The following APC variants were observed in gnomAD, a reference collection of about 807,000 sequenced individuals.
The protein encoded by APC is adenomatous polyposis coli protein.
A neutral mutation model predicts 247.0 loss-of-function variants in APC; 72 were observed. That is an observed-to-expected ratio of 0.29 (90% confidence interval 0.24 to 0.35). The LOEUF is 0.35. APC is among the 10% of genes least tolerant of loss of function. APC has a pLI of 1.00. For missense variants in APC, 3,400 were observed against 3,360.7 expected (o/e 1.01, Z -0.29); for synonymous variants, 1,254 against 1,162.5 (o/e 1.08, Z -1.60).
intron 5 of APC, among the ~76,000 whole-genome samples, chr5:112,779,291 A>G (rs1297233434): frequency 6.6e-6 from 1 of 152,228 alleles, no homozygotes; most frequent in African/African-American, 2.4e-5. Context: ...TCATTAGAGA[A>G]TATACAAAAA....
rs574397506 is a variant in APC, at chr5:112,725,722, C to T, written c.165+17840C>T. On this transcript the variant is annotated intron_variant, in intron 1 of 13. Transcript: ENST00000507379. The stretch of plus-strand genomic sequence containing the variant: ...TCTGCAGCAAGGTGTGATCATGCCA[C>T]TGCATTCCAGCCTGGGCAACAGTGA... Among the ~76,000 whole-genome samples the T allele has an allele frequency of 2.2e-3, 340 of 152,260 alleles. 1 individual carries two copies. Among genetic ancestry groups the T allele is most frequent in the Non-Finnish European group, 3.9e-3 (266 of 68,014 alleles).
At position 112,758,430 on chromosome 5, in the gene APC, G is replaced by A. The variant is rs146748693; in HGVS notation, c.135+3405G>A. Among the ~76,000 whole-genome samples the A allele has an allele frequency of 2.9e-3, 442 of 152,194 alleles. 10 individuals carry two copies. The East Asian group carries it at 0.048, about 17-fold the overall frequency. ...CAGCCTCCGCCTCCCGGGTTCAAGC[G>A]GTTCTCCTGCCTCAGCTTCCCAAGT... On this transcript the variant is annotated intron_variant, in intron 2 of 15. Transcript: ENST00000257430.
Position 112,838,372 on chromosome 5 carries a change from T to C in APC, c.2778T>C (p.Ser926=), listed in dbSNP as rs371526966. The change falls in exon 16 of 16, where the codon TCT becomes TCC. Residue 926 remains serine (S), a synonymous_variant. Transcript: ENST00000257430. The stretch of plus-strand genomic sequence containing the variant: ...AGAGAAATGCACTTAGAAGAAGCTC[T>C]GCTGCCCATACACATTCAAACACTT... ...TDERNALRRS[S]AAHTHSNTYN... is the part of the protein sequence containing the mutation. The C allele has an allele frequency of 1.6e-5, 26 of 1,614,204 alleles. No homozygotes were observed. In the African/African-American group the frequency reaches 3.5e-4, roughly 22 times the overall value.
intron 7 of APC, among the ~76,000 whole-genome samples, chr5:112,800,153 A>G (rs566111727): frequency 8.5e-5 from 13 of 152,328 alleles, no homozygotes; most frequent in East Asian, 5.8e-4. Flanking sequence ...CCCAGCATCT[A>G]TTGCAAGTAA....
intron 8 of APC, among the ~76,000 whole-genome samples, chr5:112,802,178 G>T (rs1054927809): frequency 1.3e-5 from 2 of 151,844 alleles, no homozygotes; most frequent in African/African-American, 4.8e-5. Context: ...GTCTCTCTAG[G>T]TTACTTTTGA....
Position 112,843,845 on chromosome 5 carries a change from A to G in APC, c.8251A>G (p.Thr2751Ala), listed in dbSNP as rs1060503341. 1 of 1,614,108 alleles carries G rather than the reference A, an allele frequency of 6.2e-7. No individual in the cohort carries two copies. ...GQNNPVPVSETNESSIVERTP... is the reference protein window; with the variant it reads ...GQNNPVPVSEANESSIVERTP... ...AAATAATCCTGTCCCTGTATCAGAG[A>G]CTAATGAAAGTTCTATAGTGGAACG... The change falls in exon 16 of 16, where the codon ACT becomes GCT. Residue 2751 changes from threonine to alanine, a missense_variant. Around this residue, in one of 9 missense-constraint regions of APC, gnomAD observed 1,788 missense variants for 1,649.5 expected, o/e 1.08. Transcript: ENST00000257430. This position sits in a 1 kb window ranked among gnomAD's most constrained non-coding sequence, Gnocchi z 4.8.
chr5:112,783,411 A>T (rs575432860), intron 6 of APC, among the ~76,000 whole-genome samples: 1 of 152,180 alleles, frequency 6.6e-6, no homozygotes, highest in Admixed American at 6.6e-5. Flanking sequence ...TGTAAACAAG[A>T]TAAAAAGGCA....
intron 8 of APC, among the ~76,000 whole-genome samples, chr5:112,813,725 C>G (rs1762209935): frequency 6.7e-6 from 1 of 150,342 alleles, no homozygotes. Context: ...CAGAGCCAGC[C>G]TGGGCAACAT....
chr5:112,767,872 C>G (rs1177479287), intron 4 of APC, among the ~76,000 whole-genome samples: 3 of 151,840 alleles, frequency 2.0e-5, no homozygotes, highest in African/African-American at 7.3e-5. Context: ...TTTGACTACT[C>G]TGTACATTGA....
At chr5:112,830,131 A>G (rs1467716939) in intron 14 of APC, among the ~76,000 whole-genome samples, 2 of 152,102 alleles carry the variant, frequency 1.3e-5, no homozygotes, top group East Asian at 3.9e-4. Context: ...GGTAAAGTAT[A>G]TTATTTTGTT....
intron 5 of APC, among the ~76,000 whole-genome samples, chr5:112,778,766 A>G (rs1053162952): frequency 3.3e-5 from 5 of 152,176 alleles, no homozygotes; most frequent in Non-Finnish European, 7.3e-5. Flanking sequence ...GATGTTCTTG[A>G]TATCCTGACC....
At chr5:112,735,500 C>CATATATATATAT (rs3884086), upstream of APC, among the ~76,000 whole-genome samples, 165 of 146,646 alleles carry the variant, frequency 1.1e-3, no homozygotes, top group African/African-American at 3.2e-3. Context: ...TTAATGCATA[C>CATATATATATAT]ATATATATAT....
rs922676017 is a variant in APC, at chr5:112,707,569, A to C, written c.-149A>C. On this transcript the variant is annotated 5_prime_UTR_variant, in exon 1 of 14. Coordinates refer to the APC transcript ENST00000507379. The stretch of plus-strand genomic sequence containing the variant: ...CAAGGGGGCGGGGTGTGGCCGCCGG[A>C]AGCCTAGCCGCTGCTCGGGGGGGAC... 3 of 784,870 alleles carry C rather than the reference A, an allele frequency of 3.8e-6. No individual in the cohort carries two copies. The highest frequency in any genetic ancestry group is 5.6e-6 in the Non-Finnish European group (3 of 536,250). 48.6% of individuals were successfully genotyped at this position (784,870 alleles called of 1,614,324 possible).
chr5:112,796,563 G>T (rs1488719411), intron 7 of APC, among the ~76,000 whole-genome samples: 2 of 152,076 alleles, frequency 1.3e-5, no homozygotes, highest in African/African-American at 4.8e-5. Context: ...GCAATTTAAA[G>T]AATGTGTTCA....
chr5:112,799,825 C>T (rs1760622739), intron 7 of APC, among the ~76,000 whole-genome samples: 1 of 152,122 alleles, frequency 6.6e-6, no homozygotes, highest in Non-Finnish European at 1.5e-5. Context: ...ACAAGCCACA[C>T]TCCCTCCTAC....
At chr5:112,767,936 A>G (rs1756544690) in intron 4 of APC, among the ~76,000 whole-genome samples, 1 of 152,000 alleles carries the variant, frequency 6.6e-6, no homozygotes, top group South Asian at 2.1e-4. Context: ...AACTTGCCAG[A>G]TACTTTGGCC....
chr5:112,799,655 G>A (rs561714816), intron 7 of APC, among the ~76,000 whole-genome samples: 2 of 152,278 alleles, frequency 1.3e-5, no homozygotes, highest in Admixed American at 1.3e-4. Context: ...CAATCATGCA[G>A]TGGCCTCACT....
rs763618415 is a variant in APC at position 112,844,140 on chromosome 5, T to C, written c.*14T>C. 1 of 1,599,556 alleles carries C rather than the reference T, an allele frequency of 6.3e-7. No individual in the cohort carries two copies. Among genetic ancestry groups the C allele is most frequent in the South Asian group, 1.1e-5 (1 of 90,570 alleles). On this transcript the variant is annotated 3_prime_UTR_variant, in exon 16 of 16. Coordinates refer to ENST00000257430, the MANE Select transcript of APC (RefSeq NM_000038.6). ...ACATCTGTTTAAAAGAGAGGAAGAA[T>C]GAAACTAAGAAAATTCTATGTTAAT...
chr5:112,714,159 C>T (rs1363833924), intron 1 of APC, among the ~76,000 whole-genome samples: 1 of 152,076 alleles, frequency 6.6e-6, no homozygotes, highest in Admixed American at 6.5e-5. Context: ...TTGTGGTTCC[C>T]CTTGGGGATG....
Sources: allele counts gnomAD v4.1 joint callset (sites outside exome capture counted in the v4.1 genomes callset), GRCh38; gene constraint gnomAD v4.1.1; regional missense constraint gnomAD v4.1.1; non-coding constraint Gnocchi (gnomAD v3.1); transcripts MANE v1.5; gene names NCBI Gene and HGNC (gene_info 2026-07-23, HGNC 2026-07-21).